CLK4: variants seen among roughly 807,000 people sequenced by gnomAD.
CLK4 encodes dual specificity protein kinase CLK4.
A neutral mutation model predicts 64.4 loss-of-function variants in CLK4; 37 were observed. The observed-to-expected ratio is 0.57, with a 90% CI of 0.44 to 0.76. CLK4 has a LOEUF of 0.76. CLK4 is among the 30% of genes least tolerant of loss of function. CLK4 has a pLI of 0.00. For missense variants in CLK4, 457 were observed against 605.1 expected (o/e 0.76, Z 2.57); for synonymous variants, 175 against 191.6 (o/e 0.91, Z 0.72).
chr5:178,618,727 T>A lies in CLK4; in HGVS notation c.213A>T (p.Arg71Ser). 6.2e-7 allele frequency: 1 copy of A among 1,613,956 alleles called. No homozygotes were observed. Among genetic ancestry groups the A allele is most frequent in the Non-Finnish European group, 8.5e-7 (1 of 1,179,902 alleles). Residue 71 changes from arginine (R) to serine (S), a missense_variant, in exon 3 of 13, where the codon AGA becomes AGT. Coordinates refer to ENST00000316308, the MANE Select transcript of CLK4 (RefSeq NM_020666.3). Reference sequence around the variant, plus strand: ...AGTCATTCCTGTATTCGTCAACGTATCTCCGGTCCCGATAATCTCGCTCAT... The same window carrying A: ...AGTCATTCCTGTATTCGTCAACGTAACTCCGGTCCCGATAATCTCGCTCAT... ...SLNERDYRDR[R>S]YVDEYRNDYC... is the part of the protein sequence containing the mutation.
At chr5:178,605,178 GA>G (rs371658302) in intron 11 of CLK4, 124 bp downstream of exon 11, 20,739 of 342,276 alleles carry the variant, frequency 0.061, no homozygotes, top group East Asian at 0.08. Context: ...CTCCAGTACA[GA>G]AAAAAAAAAA....
At chr5:178,619,853 T>C (rs1442276675) in intron 2 of CLK4, 2 of 1,209,404 alleles carry the variant, frequency 1.7e-6, no homozygotes, top group Non-Finnish European at 2.2e-6. Flanking sequence ...ATGAGTGTCC[T>C]CTTCAACAGA....
chr5:178,624,707 A>C (rs533634307), intron 1 of CLK4, among the ~76,000 whole-genome samples: 1 of 152,368 alleles, frequency 6.6e-6, no homozygotes, highest in South Asian at 2.1e-4. Flanking sequence ...CAAGGAGCTG[A>C]AAAAAGCTAA....
At chr5:178,626,665 A>AC (rs1764786258) in intron 1 of CLK4, among the ~76,000 whole-genome samples, 1 of 152,046 alleles carries the variant, frequency 6.6e-6, no homozygotes, top group Non-Finnish European at 1.5e-5. Flanking sequence ...GACAGGGTTA[A>AC]CCAACAGCCG....
Position 178,617,100 on chromosome 5 carries a change from C to T in CLK4, c.476-152G>A, listed in dbSNP as rs1764637708. On this transcript the variant is annotated intron_variant, in intron 4 of 12. Coordinates refer to ENST00000316308, the MANE Select transcript of CLK4 (RefSeq NM_020666.3). This position sits in a 1 kb window ranked among gnomAD's most constrained non-coding sequence, Gnocchi z 5.2. ...ACTCAAATTATTTTAGTTTCAGCTG[C>T]TACAAAAACAATTAGATAGAGCTAT... The T allele has an allele frequency of 1.5e-6, 1 of 661,478 alleles. No individual in the cohort carries two copies. The allele number at this position is 661,478 out of a possible 1,614,324, so 41.0% of individuals were successfully genotyped here. A position where few individuals can be genotyped will look rare whatever the true frequency, so the allele number is the denominator to read the frequency against.
Position 178,623,237 on chromosome 5 carries a change from A to C in CLK4, c.161+19T>G. 1 of 1,605,794 alleles carries C rather than the reference A, an allele frequency of 6.2e-7. No individual in the cohort carries two copies. The highest frequency in any genetic ancestry group is 8.5e-7 in the Non-Finnish European group (1 of 1,173,784). On this transcript the variant is annotated intron_variant, in intron 2 of 12. Coordinates refer to ENST00000316308, the MANE Select transcript of CLK4 (RefSeq NM_020666.3). ...AAACTATTAGAGCTAAAATGCTAGTAGTTCAAGAGTTAATTTACCAATCAG... is the reference window on the plus strand; with the variant it reads ...AAACTATTAGAGCTAAAATGCTAGTCGTTCAAGAGTTAATTTACCAATCAG...
chr5:178,618,973 ATTATAGAG>A (rs1249677310), intron 2 of CLK4, among the ~76,000 whole-genome samples, 195 bp from the exon 3 acceptor site: 3 of 152,232 alleles, frequency 2.0e-5, no homozygotes, highest in Admixed American at 2.0e-4. Context: ...AAATGGGCCC[ATTATAGAG>A]TTTGCTGTCA....
intron 10 of CLK4, among the ~76,000 whole-genome samples, chr5:178,607,013 G>C (rs1441329489): frequency 6.6e-6 from 1 of 151,396 alleles, no homozygotes; most frequent in East Asian, 1.9e-4. Flanking sequence ...CTTAAGGACA[G>C]AGTGGAAAAG....
intron 8 of CLK4, 121 bp downstream of exon 8, chr5:178,612,675 T>C (rs996660041): frequency 2.6e-6 from 3 of 1,133,820 alleles, no homozygotes; most frequent in Non-Finnish European, 3.8e-6. Context: ...GAAGGATTAC[T>C]TCTTTTTGGT....
At position 178,616,998 on chromosome 5, in the gene CLK4, T is replaced by C. The variant is rs769637879; in HGVS notation, c.476-50A>G. ...TGTAAGTACCTGAGTACAAACTGTC[T>C]AGTTCTTCAAACAATGAATGCTTAA... On this transcript the variant is annotated intron_variant, in intron 4 of 12. Coordinates refer to ENST00000316308, the MANE Select transcript of CLK4 (RefSeq NM_020666.3). 2.4e-6 allele frequency: 3 copies of C among 1,225,550 alleles called. No individual in the cohort carries two copies. In the South Asian group the frequency reaches 3.7e-5, roughly 15 times the overall value. The allele number at this position is 1,225,550 out of a possible 1,614,324, so 75.9% of individuals were successfully genotyped here.
intron 11 of CLK4, 164 bp from the exon 12 acceptor site, chr5:178,604,098 G>T: frequency 2.0e-6 from 1 of 504,658 alleles, no homozygotes; most frequent in Non-Finnish European, 3.5e-6. Context: ...TTATATATCG[G>T]ACACCTCATA....
chr5:178,613,897 CAT>C (rs1764591922), intron 5 of CLK4, 54 bp from the exon 6 acceptor site: 36 of 1,306,390 alleles, frequency 2.8e-5, no homozygotes, highest in Non-Finnish European at 4.0e-5. Flanking sequence ...GAGCTGAAGC[CAT>C]GTTATGCTCT....
chr5:178,613,939 A>G (rs1194279671), intron 5 of CLK4, 96 bp from the exon 6 acceptor site: 6 of 784,402 alleles, frequency 7.6e-6, no homozygotes, highest in Non-Finnish European at 1.3e-5. Context: ...CAATTCCTCT[A>G]TGCCATTTAA....
Position 178,608,386 on chromosome 5 carries a change from G to A in CLK4, c.1124C>T (p.Thr375Ile). 6.2e-7 allele frequency: 1 copy of A among 1,602,694 alleles called. No individual in the cohort carries two copies. The highest frequency in any genetic ancestry group is 8.5e-7 in the Non-Finnish European group (1 of 1,174,206). ...CILIEYYLGFTVFQTHDSKEH... is the reference protein window; with the variant it reads ...CILIEYYLGFIVFQTHDSKEH... The stretch of plus-strand genomic sequence containing the variant: ...TTACTAGCCACGTACCTGAAAGACT[G>A]TGAAACCAAGGTAATATTCAATAAG... Residue 375 changes from threonine (T) to isoleucine (I), a missense_variant, in exon 10 of 13, where the codon ACA becomes ATA. By Grantham distance (89) the Thr-to-Ile change is moderately conservative (BLOSUM62 -1). Transcript: ENST00000316308.
At chr5:178,612,976 G>C in intron 7 of CLK4, 86 bp from the exon 8 acceptor site, 2 of 632,078 alleles carry the variant, frequency 3.2e-6, no homozygotes, top group South Asian at 2.3e-5. Flanking sequence ...AAAGGATATA[G>C]TGGTCAAGAG....
intron 1 of CLK4, among the ~76,000 whole-genome samples, chr5:178,626,246 G>A (rs1259559088): frequency 1.3e-5 from 2 of 152,196 alleles, no homozygotes; most frequent in East Asian, 3.9e-4. Context: ...CAGTTTGCGG[G>A]GCGGTTTCCT....
intron 5 of CLK4, among the ~76,000 whole-genome samples, chr5:178,615,792 A>G (rs1401380502): frequency 6.6e-6 from 1 of 152,256 alleles, no homozygotes; most frequent in Non-Finnish European, 1.5e-5. Context: ...CTTCTCTTAC[A>G]AAAGTTTTCA....
At position 178,605,306 on chromosome 5, in the gene CLK4, G is replaced by GT. The variant is rs763319198; in HGVS notation, c.1210dup (p.Thr404AsnfsTer10). On this transcript the variant is annotated frameshift_variant, in exon 11 of 13. Transcript: ENST00000316308. LOFTEE classifies it high-confidence loss of function. ...AGTCTTGAATCTTAAAACATACCTT[G>GT]TTTTCTGAATCATGTGTTGTGGTAT... The GT allele has an allele frequency of 6.4e-7, 1 of 1,568,164 alleles. No individual in the cohort carries two copies. The highest frequency in any genetic ancestry group is 8.6e-7 in the Non-Finnish European group (1 of 1,160,832).
At chr5:178,620,065 C>G (rs910552296) in intron 2 of CLK4, 2 of 344,192 alleles carry the variant, frequency 5.8e-6, no homozygotes, top group African/African-American at 4.2e-5. Flanking sequence ...GAAATAGAAG[C>G]ATCTTTACAA....
Sources: allele counts gnomAD v4.1 joint callset (sites outside exome capture counted in the v4.1 genomes callset), GRCh38; gene constraint gnomAD v4.1.1; non-coding constraint Gnocchi (gnomAD v3.1); transcripts MANE v1.5; gene names NCBI Gene and HGNC (gene_info 2026-07-23, HGNC 2026-07-21).